Variants in MS4A6E observed in about 807,000 individuals in gnomAD.
The protein encoded by MS4A6E is membrane spanning 4-domains A6E.
A neutral mutation model predicts 13.2 loss-of-function variants in MS4A6E; 8 were observed. The ratio of observed to expected loss-of-function variants is 0.60; its 90% CI spans 0.35 to 1.09. The LOEUF is 1.09. Ranked by LOEUF, MS4A6E falls within the 50% of genes least tolerant of loss-of-function variation. The pLI, the probability that MS4A6E is intolerant of heterozygous loss-of-function variation, is 0.02. For missense variants in MS4A6E, 177 were observed against 171.1 expected (o/e 1.03, Z -0.19); for synonymous variants, 72 against 67.6 (o/e 1.06, Z -0.32).
At chr11:60,339,190 G>A (rs182918190) in intron 3 of MS4A6E, among the ~76,000 whole-genome samples, 3 of 152,298 alleles carry the variant, frequency 2.0e-5, no homozygotes, top group Admixed American at 1.3e-4. Flanking sequence ...AGAAATGGTA[G>A]AACTCATCCT....
At chr11:60,342,721 A>G (rs1163006231), downstream of MS4A6E, among the ~76,000 whole-genome samples, 2 of 152,180 alleles carry the variant, frequency 1.3e-5, no homozygotes, top group Non-Finnish European at 2.9e-5. Flanking sequence ...TAATATATCT[A>G]GCTTCCAGGT....
intron 1 of MS4A6E, among the ~76,000 whole-genome samples, chr11:60,332,446 T>C (rs1239314229): frequency 1.3e-5 from 2 of 152,218 alleles, no homozygotes; most frequent in Admixed American, 1.3e-4. Context: ...CCAAAACAAC[T>C]ATCTGAGTTT....
downstream of MS4A6E, among the ~76,000 whole-genome samples, chr11:60,342,641 G>A (rs899603571): frequency 2.0e-4 from 30 of 152,096 alleles, no homozygotes; most frequent in African/African-American, 3.6e-4. Flanking sequence ...CCACCTGGCC[G>A]GCACCATATT....
chr11:60,344,530 C>T (rs2085247284), downstream of MS4A6E, among the ~76,000 whole-genome samples: 1 of 152,220 alleles, frequency 6.6e-6, no homozygotes, highest in Admixed American at 6.5e-5. Flanking sequence ...TTTATCCTTT[C>T]CCAAGTGAAA....
intron 1 of MS4A6E, among the ~76,000 whole-genome samples, chr11:60,331,705 T>C (rs1257231368): frequency 6.6e-6 from 1 of 152,220 alleles, no homozygotes; most frequent in East Asian, 1.9e-4. Flanking sequence ...CGGGTGGTGT[T>C]ATCAGTTGAA....
intron 1 of MS4A6E, among the ~76,000 whole-genome samples, chr11:60,332,830 G>A (rs1165720975): frequency 6.6e-6 from 1 of 152,174 alleles, no homozygotes; most frequent in Non-Finnish European, 1.5e-5. Context: ...CAATTGATCC[G>A]AGGCTACTAT....
At chr11:60,343,472 A>T (rs74853705), downstream of MS4A6E, among the ~76,000 whole-genome samples, 3,661 of 152,296 alleles carry the variant, frequency 0.024, 150 homozygotes, top group African/African-American at 0.077. Context: ...GTTGTGTTGC[A>T]AATAGTAGAG....
At chr11:60,333,591 G>C (rs78057335) in intron 1 of MS4A6E, among the ~76,000 whole-genome samples, 4,115 of 152,286 alleles carry the variant, frequency 0.027, 170 homozygotes, top group African/African-American at 0.092. Flanking sequence ...GAGGGTTGGA[G>C]AGTGGGAGAT....
At chr11:60,330,000 T>C (rs1035426619) in intron 1 of MS4A6E, among the ~76,000 whole-genome samples, 1 of 150,426 alleles carries the variant, frequency 6.6e-6, no homozygotes, top group African/African-American at 2.5e-5. Flanking sequence ...TAATTTGTTG[T>C]ATTTTTAGTA....
At chr11:60,342,514 G>A (rs78241680), downstream of MS4A6E, among the ~76,000 whole-genome samples, 2,609 of 152,224 alleles carry the variant, frequency 0.017, 55 homozygotes, top group East Asian at 0.052. Flanking sequence ...TGAGTCTGAG[G>A]AGGTCGTGTC....
At chr11:60,343,679 A>G (rs12787263), downstream of MS4A6E, among the ~76,000 whole-genome samples, 38,064 of 152,152 alleles carry the variant, frequency 0.25, 5,761 homozygotes, top group Non-Finnish European at 0.33. Flanking sequence ...GAAATGTTGA[A>G]ATGACAAAAA....
intron 1 of MS4A6E, among the ~76,000 whole-genome samples, chr11:60,328,867 AC>A (rs1396020398): frequency 3.9e-5 from 6 of 152,336 alleles, no homozygotes; most frequent in African/African-American, 1.2e-4. Flanking sequence ...AATGTACAGT[AC>A]AAAGACGATA....
At chr11:60,335,086 G>A (rs372096506) in intron 2 of MS4A6E, 44 bp downstream of exon 2, 165 of 1,606,586 alleles carry the variant, frequency 1.0e-4, no homozygotes, top group Non-Finnish European at 1.4e-4. Flanking sequence ...TAGGGGAAGT[G>A]GGAAGAGATG....
At chr11:60,335,920 CA>C (rs1297827574) in intron 2 of MS4A6E, among the ~76,000 whole-genome samples, 1 of 152,026 alleles carries the variant, frequency 6.6e-6, no homozygotes, top group Non-Finnish European at 1.5e-5. Flanking sequence ...AACACATGGA[CA>C]CGTAGAAGGG....
At chr11:60,339,150 A>T (rs1017988410) in intron 3 of MS4A6E, among the ~76,000 whole-genome samples, 1 of 152,194 alleles carries the variant, frequency 6.6e-6, no homozygotes, top group Admixed American at 6.5e-5. Flanking sequence ...TTATCAGATG[A>T]CCAGTTCTGC....
downstream of MS4A6E, among the ~76,000 whole-genome samples, chr11:60,344,732 A>C (rs1455451408): frequency 6.6e-6 from 1 of 152,116 alleles, no homozygotes; most frequent in African/African-American, 2.4e-5. Flanking sequence ...TGAAGTCCAT[A>C]GATGTCTTGA....
intron 4 of MS4A6E, among the ~76,000 whole-genome samples, chr11:60,346,937 G>A (rs536090898): frequency 2.0e-5 from 3 of 152,288 alleles, no homozygotes; most frequent in South Asian, 4.1e-4. Flanking sequence ...GTTAAAGTTC[G>A]GAAAGCTTCT....
intron 1 of MS4A6E, among the ~76,000 whole-genome samples, chr11:60,329,359 T>C (rs772229587): frequency 1.2e-4 from 18 of 152,226 alleles, no homozygotes; most frequent in Non-Finnish European, 2.1e-4. Context: ...TTCCATAGTA[T>C]ATATGTGCCA....
At chr11:60,334,304 TA>T (rs771155582) in intron 1 of MS4A6E, among the ~76,000 whole-genome samples, 3 of 152,032 alleles carry the variant, frequency 2.0e-5, no homozygotes, top group Non-Finnish European at 2.9e-5. Context: ...CACAAGCCCA[TA>T]AAAAGCTTGA....
Sources: allele counts gnomAD v4.1 joint callset (sites outside exome capture counted in the v4.1 genomes callset), GRCh38; gene constraint gnomAD v4.1.1; transcripts MANE v1.5; gene names NCBI Gene and HGNC (gene_info 2026-07-23, HGNC 2026-07-21).